The following SLC25A13 variants were observed in gnomAD, a reference collection of about 807,000 sequenced individuals.
The protein encoded by SLC25A13 is electrogenic aspartate/glutamate antiporter SLC25A13, mitochondrial.
In SLC25A13, 70 loss-of-function variants were observed where a neutral mutation model predicts 85.5. The observed-to-expected ratio is 0.82, with a 90% CI of 0.68 to 1.00. SLC25A13 has a LOEUF of 1.00. Ranked by LOEUF, SLC25A13 falls within the 50% of genes least tolerant of loss-of-function variation. The probability of loss-of-function intolerance (pLI) is 0.00; values close to 1 mark genes in which losing one functional copy is unlikely to be tolerated. For missense variants in SLC25A13, 765 were observed against 819.8 expected, an observed-to-expected ratio of 0.93 and a Z score of 0.82; for synonymous variants, 259 against 288.7, an observed-to-expected ratio of 0.90 and a Z score of 1.04.
chr7:96,229,318 T>A (rs537888175), intron 4 of SLC25A13, among the ~76,000 whole-genome samples: 1 of 152,162 alleles, frequency 6.6e-6, no homozygotes, highest in Admixed American at 6.5e-5. Context: ...CAATCAGCAC[T>A]CTGTGTCTAG....
chr7:96,244,715 G>A (rs1797119375), intron 3 of SLC25A13, among the ~76,000 whole-genome samples: 1 of 152,162 alleles, frequency 6.6e-6, no homozygotes, highest in South Asian at 2.1e-4. Flanking sequence ...GAGGCCAGCA[G>A]GGCTCTTCAG....
chr7:96,295,521 T>A (rs1239251403), intron 2 of SLC25A13, among the ~76,000 whole-genome samples: 1 of 152,226 alleles, frequency 6.6e-6, no homozygotes, highest in Non-Finnish European at 1.5e-5. Context: ...GAAACGGTAG[T>A]CTCATCTGTA....
intron 13 of SLC25A13, among the ~76,000 whole-genome samples, chr7:96,165,509 T>C (rs922280704): frequency 2.6e-4 from 40 of 152,180 alleles, no homozygotes; most frequent in African/African-American, 9.6e-4. Flanking sequence ...ACTTTGAATG[T>C]AATACTCCCA....
At chr7:96,165,687 T>C (rs1793712469) in intron 13 of SLC25A13, among the ~76,000 whole-genome samples, 1 of 152,232 alleles carries the variant, frequency 6.6e-6, no homozygotes, top group African/African-American at 2.4e-5. Context: ...TAATAAAAAG[T>C]AGAGAGACAT....
At chr7:96,272,532 A>G (rs980078899) in intron 3 of SLC25A13, among the ~76,000 whole-genome samples, 1 of 152,136 alleles carries the variant, frequency 6.6e-6, no homozygotes, top group African/African-American at 2.4e-5. Context: ...TGTTGGGGGG[A>G]AAAGTGATTT....
intron 7 of SLC25A13, among the ~76,000 whole-genome samples, chr7:96,190,621 T>G (rs1432448803): frequency 2.6e-5 from 4 of 152,074 alleles, no homozygotes; most frequent in Non-Finnish European, 5.9e-5. Context: ...TATTTATTTA[T>G]TTATTTTTGA....
chr7:96,189,449 A>G, intron 8 of SLC25A13, 71 bp from the exon 9 acceptor site: 1 of 1,565,500 alleles, frequency 6.4e-7, no homozygotes, highest in Non-Finnish European at 8.8e-7. Context: ...AAATTTAAAA[A>G]CATCCCTTTT....
At chr7:96,160,088 A>G (rs1186243807) in intron 13 of SLC25A13, among the ~76,000 whole-genome samples, 1 of 152,204 alleles carries the variant, frequency 6.6e-6, no homozygotes. Flanking sequence ...TAGTTTAATG[A>G]TTTACAGACC....
intron 3 of SLC25A13, among the ~76,000 whole-genome samples, chr7:96,276,785 C>A (rs1258764027): frequency 1.3e-5 from 2 of 152,076 alleles, no homozygotes; most frequent in Non-Finnish European, 2.9e-5. Context: ...TTTGGAATCA[C>A]CTGTGAATTT....
chr7:96,257,112 G>T (rs182365292), intron 3 of SLC25A13, among the ~76,000 whole-genome samples: 1 of 152,176 alleles, frequency 6.6e-6, no homozygotes, highest in African/African-American at 2.4e-5. Flanking sequence ...AGGAAAAGGC[G>T]GGAAAGATCT....
intron 3 of SLC25A13, among the ~76,000 whole-genome samples, chr7:96,243,238 T>C (rs1797059713): frequency 6.6e-6 from 1 of 152,208 alleles, no homozygotes; most frequent in South Asian, 2.1e-4. Flanking sequence ...AGTGCTGGGA[T>C]TACAGGTGTG....
At chr7:96,228,879 T>A (rs1330007916) in intron 4 of SLC25A13, among the ~76,000 whole-genome samples, 1 of 151,728 alleles carries the variant, frequency 6.6e-6, no homozygotes, top group South Asian at 2.1e-4. Context: ...GTGTGCTGGG[T>A]CCCCCAGCAC....
intron 4 of SLC25A13, among the ~76,000 whole-genome samples, chr7:96,228,912 T>C (rs1796419760): frequency 1.3e-5 from 2 of 152,068 alleles, no homozygotes; most frequent in South Asian, 4.1e-4. Flanking sequence ...CACGCTGCAC[T>C]CGAATTCTCA....
At chr7:96,166,957 C>G (rs1562809047) in intron 13 of SLC25A13, 1 of 152,188 alleles carries the variant, frequency 6.6e-6, no homozygotes, top group Non-Finnish European at 1.5e-5. Flanking sequence ...AAGTCTCCAT[C>G]AGAACTCCCA....
intron 16 of SLC25A13, 42 bp from the exon 17 acceptor site, chr7:96,121,787 T>A (rs755013182): frequency 7.4e-6 from 12 of 1,613,802 alleles, no homozygotes; most frequent in Non-Finnish European, 2.5e-6. Flanking sequence ...TTAGATATTT[T>A]AAAAATTTAC....
Position 96,122,238 on chromosome 7 carries a change from T to A in SLC25A13, c.1592-241A>T, listed in dbSNP as rs568053811. 1.1e-4 allele frequency among the ~76,000 whole-genome samples: 17 copies of A among 152,336 alleles called. No homozygotes were observed. The Middle Eastern group carries it at 0.01, about 91-fold the overall frequency. Reference sequence around the variant, plus strand: ...CCAAATCACTCAGCCTTCATTTCCTTTGTTTCTATTCCTAAATCTTTAAAT... The same window carrying A: ...CCAAATCACTCAGCCTTCATTTCCTATGTTTCTATTCCTAAATCTTTAAAT... On this transcript the variant is annotated intron_variant, in intron 15 of 17. Coordinates refer to ENST00000265631, the MANE Select transcript of SLC25A13 (RefSeq NM_014251.3).
chr7:96,146,253 A>C (rs1165715014), intron 14 of SLC25A13, among the ~76,000 whole-genome samples: 1 of 152,218 alleles, frequency 6.6e-6, no homozygotes, highest in Non-Finnish European at 1.5e-5. Flanking sequence ...TCAGCGTATC[A>C]ATAACAAATC....
In SLC25A13 at chr7:96,234,906, A is replaced by C. The variant is rs2116815889; in HGVS notation, c.224T>G (p.Phe75Cys). The change falls in exon 4 of 18, where the codon TTT becomes TGT. Residue 75 changes from phenylalanine (F) to cysteine (C), a missense_variant. Physicochemically the swap from Phe to Cys is radical, Grantham distance 205. Coordinates refer to ENST00000265631, the MANE Select transcript of SLC25A13 (RefSeq NM_014251.3). ...VDQTKDGLIS[F>C]QEFVAFESVL... The stretch of plus-strand genomic sequence containing the variant: ...AGATTCAAAGGCAACAAATTCTTGA[A>C]AAGATATTAATCTGCAACATAAAAC... 1 of 1,612,896 alleles carries C rather than the reference A, an allele frequency of 6.2e-7. No individual in the cohort carries two copies. The highest frequency in any genetic ancestry group is 2.2e-5 in the East Asian group (1 of 44,838).
intron 3 of SLC25A13, among the ~76,000 whole-genome samples, chr7:96,270,466 G>C (rs571146435): frequency 6.6e-6 from 1 of 151,618 alleles, no homozygotes; most frequent in Admixed American, 6.6e-5. Flanking sequence ...TGAGGCAGGA[G>C]AATCACTTGA....
Sources: allele counts gnomAD v4.1 joint callset (sites outside exome capture counted in the v4.1 genomes callset), GRCh38; gene constraint gnomAD v4.1.1; transcripts MANE v1.5; gene names NCBI Gene and HGNC (gene_info 2026-07-23, HGNC 2026-07-21).